The following ROBO2 variants were observed in gnomAD, a reference collection of about 807,000 sequenced individuals.
ROBO2 encodes roundabout guidance receptor 2.
ROBO2 carries 53 observed loss-of-function variants against 160.8 expected under a neutral mutation model. The observed-to-expected ratio is 0.33, with a 90% CI of 0.26 to 0.41. The LOEUF (loss-of-function observed/expected upper bound fraction) is 0.41. Ranked by LOEUF, ROBO2 falls within the 10% of genes least tolerant of loss-of-function variation. The pLI, the probability that ROBO2 is intolerant of heterozygous loss-of-function variation, is 1.00. For missense variants in ROBO2, 1,577 were observed against 1,722.4 expected, an observed-to-expected ratio of 0.92 and a Z score of 1.49; for synonymous variants, 664 against 611.7, an observed-to-expected ratio of 1.09 and a Z score of -1.26.
Position 76,825,860 on chromosome 3 carries a change from A to T in ROBO2, c.110-272154A>T, listed in dbSNP as rs79435255. Among the ~76,000 whole-genome samples, 879 of 152,166 alleles carry T rather than the reference A, an allele frequency of 5.8e-3. 6 individuals carry two copies. The highest frequency in any genetic ancestry group is 0.019 in the African/African-American group (809 of 41,494). ...GTAACAGATTCCTAAAACTGTTAAC[A>T]TTCGTTCCGTTGAGTTTACAAAAAA... On this transcript the variant is annotated intron_variant, in intron 2 of 26. Transcript: ENST00000487694.
intron 1 of ROBO2, among the ~76,000 whole-genome samples, chr3:77,065,653 T>G (rs903769494): frequency 2.6e-5 from 4 of 152,168 alleles, no homozygotes; most frequent in Non-Finnish European, 4.4e-5. Context: ...AATTTAAACA[T>G]TTCTTAAAAT....
intron 2 of ROBO2, among the ~76,000 whole-genome samples, chr3:77,235,392 G>A (rs982966882): frequency 1.8e-4 from 26 of 146,780 alleles, no homozygotes; most frequent in African/African-American, 5.3e-4. Flanking sequence ...TCGCTCTGTC[G>A]CCCAGGCTGG....
At chr3:76,412,142 T>G (rs2075519597) in intron 2 of ROBO2, among the ~76,000 whole-genome samples, 1 of 152,128 alleles carries the variant, frequency 6.6e-6, no homozygotes, top group Non-Finnish European at 1.5e-5. Flanking sequence ...CAGAAACCAC[T>G]GATAAACCCA....
intron 2 of ROBO2, among the ~76,000 whole-genome samples, chr3:76,744,521 G>A (rs1005148811): frequency 2.6e-5 from 4 of 151,794 alleles, no homozygotes; most frequent in South Asian, 2.1e-4. Context: ...TACCATGACC[G>A]GCTAATTTTT....
chr3:76,558,623 G>A (rs565627159), intron 2 of ROBO2, among the ~76,000 whole-genome samples: 1 of 151,764 alleles, frequency 6.6e-6, no homozygotes, highest in Non-Finnish European at 1.5e-5. Flanking sequence ...TTTTCCTCAG[G>A]GTTTTTTTAG....
intron 2 of ROBO2, among the ~76,000 whole-genome samples, chr3:76,272,839 AT>A (rs1396375488): frequency 2.9e-5 from 1 of 34,226 alleles, no homozygotes; most frequent in South Asian, 8.1e-4. Context: ...AAATATATAT[AT>A]TATATATTAT....
chr3:76,033,053 A>T (rs1216787277), intron 2 of ROBO2, among the ~76,000 whole-genome samples: 1 of 152,174 alleles, frequency 6.6e-6, no homozygotes, highest in Non-Finnish European at 1.5e-5. Context: ...TGGCTTTAAA[A>T]GTAAGAATAA....
intron 6 of ROBO2, among the ~76,000 whole-genome samples, chr3:77,526,598 G>T (rs1363210162): frequency 6.6e-6 from 1 of 151,462 alleles, no homozygotes; most frequent in Non-Finnish European, 1.5e-5. Context: ...TTTAAAAAAG[G>T]ATTATGAAGC....
chr3:77,486,989 C>A (rs993364912), intron 4 of ROBO2, among the ~76,000 whole-genome samples: 18 of 152,108 alleles, frequency 1.2e-4, no homozygotes, highest in Non-Finnish European at 1.5e-5. Flanking sequence ...ATTATTTTCA[C>A]AGTACGATGT....
chr3:76,916,478 A>G (rs2076312066), intron 2 of ROBO2, among the ~76,000 whole-genome samples: 2 of 151,452 alleles, frequency 1.3e-5, no homozygotes, highest in Admixed American at 6.6e-5. Flanking sequence ...AGCATTTGGG[A>G]CTACAGGCCC....
intron 2 of ROBO2, among the ~76,000 whole-genome samples, chr3:77,315,306 C>G (rs1373429694): frequency 6.6e-6 from 1 of 152,066 alleles, no homozygotes; most frequent in African/African-American, 2.4e-5. Flanking sequence ...TTATTCAGAC[C>G]ACATTGATTT....
chr3:76,946,476 C>G (rs1472836319), intron 2 of ROBO2, among the ~76,000 whole-genome samples: 2 of 152,030 alleles, frequency 1.3e-5, no homozygotes, highest in Admixed American at 1.3e-4. Context: ...CTTACTCTGT[C>G]GCCCAGGCTG....
intron 2 of ROBO2, among the ~76,000 whole-genome samples, chr3:75,982,217 T>A (rs2065298444): frequency 6.6e-6 from 1 of 151,620 alleles, no homozygotes; most frequent in Non-Finnish European, 1.5e-5. Context: ...TTGTAAACAG[T>A]GCTGCGATAA....
intron 2 of ROBO2, among the ~76,000 whole-genome samples, chr3:76,267,259 G>T (rs1407129908): frequency 6.6e-6 from 1 of 152,062 alleles, no homozygotes; most frequent in African/African-American, 2.4e-5. Flanking sequence ...CTTGCCTTTG[G>T]CAAATAGATT....
At chr3:77,292,431 G>A (rs1213816353) in intron 2 of ROBO2, among the ~76,000 whole-genome samples, 1 of 151,630 alleles carries the variant, frequency 6.6e-6, no homozygotes, top group East Asian at 1.9e-4. Context: ...ATAAGCTGAG[G>A]CTAGATCACC....
At chr3:76,654,349 A>G (rs1272836333) in intron 2 of ROBO2, among the ~76,000 whole-genome samples, 1 of 152,184 alleles carries the variant, frequency 6.6e-6, no homozygotes, top group Admixed American at 6.6e-5. Context: ...TTACAGAGGT[A>G]CTTTATAAAT....
At chr3:76,555,258 T>A (rs1283534969) in intron 2 of ROBO2, among the ~76,000 whole-genome samples, 1 of 151,300 alleles carries the variant, frequency 6.6e-6, no homozygotes, top group Non-Finnish European at 1.5e-5. Flanking sequence ...TGTGCAGGGA[T>A]CATAAATTAT....
chr3:76,923,979 A>G (rs981813385), intron 2 of ROBO2, among the ~76,000 whole-genome samples: 6 of 152,226 alleles, frequency 3.9e-5, no homozygotes, highest in African/African-American at 1.4e-4. Flanking sequence ...ATCAAACATC[A>G]TAATTGTATT....
intron 2 of ROBO2, among the ~76,000 whole-genome samples, chr3:76,129,235 G>A (rs2615650): frequency 0.98 from 148,595 of 152,164 alleles, 72,669 homozygotes; most frequent in East Asian, 1. Flanking sequence ...TTAGTGTTAC[G>A]GCACTAAAGT....
Sources: allele counts gnomAD v4.1 joint callset (sites outside exome capture counted in the v4.1 genomes callset), GRCh38; gene constraint gnomAD v4.1.1; transcripts MANE v1.5; gene names NCBI Gene and HGNC (gene_info 2026-07-23, HGNC 2026-07-21).